Variants in MCM9 observed in about 807,000 individuals in gnomAD.
The protein encoded by MCM9 is minichromosome maintenance 9 homologous recombination repair factor.
In MCM9, 55 loss-of-function variants were observed where a neutral mutation model predicts 72.8. The ratio of observed to expected loss-of-function variants is 0.76; its 90% CI spans 0.61 to 0.95. The LOEUF (loss-of-function observed/expected upper bound fraction) is 0.95. MCM9 is among the 40% of genes least tolerant of loss of function. The pLI is 0.00. For missense variants in MCM9, 1,279 were observed against 1,377.0 expected (o/e 0.93, Z 1.13); for synonymous variants, 480 against 503.4 (o/e 0.95, Z 0.62).
intron 3 of MCM9, among the ~76,000 whole-genome samples, chr6:118,927,005 T>C (rs1364337218): frequency 6.6e-6 from 1 of 152,100 alleles, no homozygotes; most frequent in Admixed American, 6.5e-5. Context: ...AAAAGGAGAA[T>C]AGAAAAAAAA....
At chr6:118,848,519 G>A (rs1288324204) in intron 9 of MCM9, among the ~76,000 whole-genome samples, 1 of 151,848 alleles carries the variant, frequency 6.6e-6, no homozygotes, top group East Asian at 1.9e-4. Flanking sequence ...TATTGATACA[G>A]TTATACCGTC....
At chr6:118,916,979 A>C (rs1166081500) in intron 6 of MCM9, among the ~76,000 whole-genome samples, 9 of 152,214 alleles carry the variant, frequency 5.9e-5, no homozygotes, top group Non-Finnish European at 1.0e-4. Flanking sequence ...TGAAGATTTA[A>C]TTGGTGCTTT....
Position 118,815,245 on chromosome 6 carries a change from C to A in MCM9, c.3011G>T (p.Arg1004Ile), listed in dbSNP as rs1436393646. ...CTCAGGGGCACACATCACCTTCTCT[C>A]TTGGTCCGTGTTTCTCTGGTGGCTG... is the stretch of plus-strand genomic sequence containing the variant. Reference protein sequence around the residue: ...SQQPPEKHGPREKVMCAPEKR... With the variant: ...SQQPPEKHGPIEKVMCAPEKR... Residue 1004 changes from arginine to isoleucine, a missense_variant, in exon 14 of 14, where the codon AGA (arginine) becomes ATA (isoleucine). Transcript: ENST00000619706. The A allele has an allele frequency of 1.3e-6, 2 of 1,550,690 alleles. No individual in the cohort carries two copies. The highest frequency in any genetic ancestry group is 1.7e-6 in the Non-Finnish European group (2 of 1,146,952).
chr6:118,893,470 G>C (rs1779087482), intron 8 of MCM9, among the ~76,000 whole-genome samples: 1 of 152,070 alleles, frequency 6.6e-6, no homozygotes, highest in Non-Finnish European at 1.5e-5. Flanking sequence ...GGACTTCCCA[G>C]ATCTGGACTC....
At chr6:118,933,838 A>C (rs9387610) in intron 1 of MCM9, among the ~76,000 whole-genome samples, 1 of 151,716 alleles carries the variant, frequency 6.6e-6, no homozygotes, top group Non-Finnish European at 1.5e-5. Flanking sequence ...GTATATCCAA[A>C]ACAATGAGTG....
chr6:118,933,628 T>TA (rs1357623224), intron 1 of MCM9, among the ~76,000 whole-genome samples: 14 of 152,222 alleles, frequency 9.2e-5, no homozygotes, highest in Middle Eastern at 6.8e-3. Flanking sequence ...ACTCTACAAA[T>TA]ACGAATATTA....
At chr6:118,911,562 C>G in intron 8 of MCM9, 88 bp downstream of exon 8, 1 of 1,440,582 alleles carries the variant, frequency 6.9e-7, no homozygotes, top group South Asian at 1.6e-5. Context: ...TGAAATTTAT[C>G]CTATTATAGG....
At chr6:118,921,856 T>C (rs1018287903) in intron 5 of MCM9, 149 bp downstream of exon 5, 12 of 600,900 alleles carry the variant, frequency 2.0e-5, no homozygotes, top group Non-Finnish European at 3.3e-5. Flanking sequence ...CTGCTATCAC[T>C]TCCCACCTGC....
chr6:118,892,135 C>T (rs1253076199), intron 8 of MCM9, among the ~76,000 whole-genome samples: 1 of 151,784 alleles, frequency 6.6e-6, no homozygotes, highest in African/African-American at 2.4e-5. Flanking sequence ...AAGGTAGTAT[C>T]AATGGTGAGG....
At chr6:118,931,345 G>A in intron 3 of MCM9, 75 bp downstream of exon 3, 3 of 1,138,664 alleles carry the variant, frequency 2.6e-6, no homozygotes, top group Non-Finnish European at 3.7e-6. Context: ...TTATTTCTTA[G>A]TGTTCTAAAT....
chr6:118,871,572 A>G (rs1009359462), intron 8 of MCM9, among the ~76,000 whole-genome samples: 11 of 152,204 alleles, frequency 7.2e-5, no homozygotes, highest in Non-Finnish European at 1.6e-4. Context: ...CAAACAAGAT[A>G]AGGGTGCCCA....
intron 9 of MCM9, among the ~76,000 whole-genome samples, chr6:118,845,698 A>T (rs1026340364): frequency 1.3e-5 from 2 of 151,844 alleles, no homozygotes; most frequent in South Asian, 2.1e-4. Flanking sequence ...CCTACAGCTG[A>T]ATTTGTAGGC....
At chr6:118,902,360 A>G (rs887140122) in intron 8 of MCM9, among the ~76,000 whole-genome samples, 1 of 152,172 alleles carries the variant, frequency 6.6e-6, no homozygotes, top group African/African-American at 2.4e-5. Context: ...TCACTCATAA[A>G]GAGTGCCCTA....
chr6:118,904,837 A>T (rs972555507), intron 8 of MCM9, among the ~76,000 whole-genome samples: 2 of 151,994 alleles, frequency 1.3e-5, no homozygotes, highest in East Asian at 3.9e-4. Context: ...TCTCATTTTC[A>T]GTTTTGTTTT....
intron 8 of MCM9, 101 bp downstream of exon 8, chr6:118,911,549 G>A: frequency 1.4e-6 from 2 of 1,422,028 alleles, no homozygotes; most frequent in Non-Finnish European, 1.8e-6. Context: ...TCAAAAATTA[G>A]CTTGAAATTT....
intron 4 of MCM9, among the ~76,000 whole-genome samples, chr6:118,922,392 G>A (rs776086562): frequency 6.6e-6 from 1 of 152,274 alleles, no homozygotes; most frequent in East Asian, 1.9e-4. Flanking sequence ...CTAGAAAAGA[G>A]GGGTATTTCT....
intron 9 of MCM9, among the ~76,000 whole-genome samples, chr6:118,841,354 C>CCCTCTTCTCCCTG (rs1367910944): frequency 6.6e-6 from 1 of 152,188 alleles, no homozygotes; most frequent in Non-Finnish European, 1.5e-5. Context: ...GAAGGACTTT[C>CCCTCTTCTCCCTG]CCTCTTCTCC....
intron 1 of MCM9, 105 bp downstream of exon 1, chr6:118,934,786 C>T (rs1010380319): frequency 6.6e-6 from 1 of 152,310 alleles, no homozygotes; most frequent in African/African-American, 2.4e-5. Context: ...CCGTGCCTGT[C>T]CGGTCCCGGA....
intron 8 of MCM9, among the ~76,000 whole-genome samples, chr6:118,865,361 C>T (rs532776909): frequency 6.6e-6 from 1 of 152,264 alleles, no homozygotes; most frequent in Non-Finnish European, 1.5e-5. Context: ...TAGCACCTCC[C>T]TAAATATTCC....
Sources: allele counts gnomAD v4.1 joint callset (sites outside exome capture counted in the v4.1 genomes callset), GRCh38; gene constraint gnomAD v4.1.1; transcripts MANE v1.5; gene names NCBI Gene and HGNC (gene_info 2026-07-23, HGNC 2026-07-21).